Variants in DLGAP2 observed in about 807,000 individuals in gnomAD.
The protein encoded by DLGAP2 is disks large-associated protein 2.
A neutral mutation model predicts 100.3 loss-of-function variants in DLGAP2; 26 were observed. The ratio of observed to expected loss-of-function variants is 0.26; its 90% CI spans 0.19 to 0.36. DLGAP2 has a LOEUF of 0.36. Among genes scored for constraint, DLGAP2 ranks in the 10% least tolerant of loss-of-function variants. DLGAP2 has a pLI of 1.00. For missense variants in DLGAP2, 1,858 were observed against 1,453.2 expected, an observed-to-expected ratio of 1.28 and a Z score of -4.53; for synonymous variants, 886 against 630.1, an observed-to-expected ratio of 1.41 and a Z score of -6.08.
intron 11 of DLGAP2, among the ~76,000 whole-genome samples, chr8:1,677,694 T>A (rs1473546976): frequency 3.3e-5 from 5 of 152,222 alleles, no homozygotes; most frequent in Admixed American, 3.3e-4. Context: ...GTGAAAATGA[T>A]TTTCCAACAC....
chr8:1,652,154 A>G (rs1798181807), intron 8 of DLGAP2, among the ~76,000 whole-genome samples: 1 of 152,226 alleles, frequency 6.6e-6, no homozygotes, highest in Admixed American at 6.5e-5. Context: ...CTAAGGAACT[A>G]TTACATTAGA....
chr8:943,939 C>T (rs540566601), intron 2 of DLGAP2, among the ~76,000 whole-genome samples: 2 of 152,342 alleles, frequency 1.3e-5, no homozygotes, highest in African/African-American at 2.4e-5. Flanking sequence ...TTGAATCTGT[C>T]AGTGTTGAAG....
At chr8:1,433,304 A>T (rs1323162754) in intron 3 of DLGAP2, among the ~76,000 whole-genome samples, 2 of 152,212 alleles carry the variant, frequency 1.3e-5, no homozygotes, top group Non-Finnish European at 2.9e-5. Context: ...CAACCCCTGT[A>T]CTGGTCCAGC....
At chr8:1,314,105 A>G (rs1800673741) in intron 3 of DLGAP2, among the ~76,000 whole-genome samples, 1 of 152,236 alleles carries the variant, frequency 6.6e-6, no homozygotes, top group Non-Finnish European at 1.5e-5. Context: ...TAGATATGTG[A>G]AATATTGGTT....
intron 12 of DLGAP2, among the ~76,000 whole-genome samples, chr8:1,689,122 C>T (rs1197577370): frequency 6.6e-6 from 1 of 152,190 alleles, no homozygotes; most frequent in African/African-American, 2.4e-5. Flanking sequence ...GAAGAACCTA[C>T]ACGAGGATTG....
chr8:1,619,208 G>C (rs1384387840), intron 6 of DLGAP2, among the ~76,000 whole-genome samples: 1 of 152,198 alleles, frequency 6.6e-6, no homozygotes, highest in Non-Finnish European at 1.5e-5. Flanking sequence ...CTTTGCAAAA[G>C]AAGATACACA....
At chr8:941,692 C>G (rs993822348) in intron 2 of DLGAP2, among the ~76,000 whole-genome samples, 2 of 152,170 alleles carry the variant, frequency 1.3e-5, no homozygotes, top group Non-Finnish European at 2.9e-5. Flanking sequence ...TGTGTCCCCT[C>G]TATGTTATTA....
At chr8:1,253,435 C>G (rs533619897) in intron 2 of DLGAP2, among the ~76,000 whole-genome samples, 1 of 152,344 alleles carries the variant, frequency 6.6e-6, no homozygotes, top group East Asian at 1.9e-4. Context: ...AGCATGCGCT[C>G]GGCTTCACAG....
intron 10 of DLGAP2, among the ~76,000 whole-genome samples, chr8:1,673,884 C>T (rs994050056): frequency 3.3e-5 from 5 of 151,342 alleles, no homozygotes; most frequent in Non-Finnish European, 7.4e-5. Context: ...GGAAGGAAAA[C>T]TTCCTTTTAC....
intron 3 of DLGAP2, among the ~76,000 whole-genome samples, chr8:1,346,195 C>T (rs1801551147): frequency 6.6e-6 from 1 of 152,208 alleles, no homozygotes; most frequent in South Asian, 2.1e-4. Flanking sequence ...TACAGAGCTG[C>T]ATTGCACTCA....
At chr8:1,168,436 G>A (rs1474104326) in intron 2 of DLGAP2, among the ~76,000 whole-genome samples, 4 of 150,960 alleles carry the variant, frequency 2.6e-5, no homozygotes, top group Non-Finnish European at 4.4e-5. Flanking sequence ...TCTAGTTCTA[G>A]ATCCCTGAGG....
chr8:1,207,827 G>T (rs990389131), intron 2 of DLGAP2, among the ~76,000 whole-genome samples: 6 of 152,200 alleles, frequency 3.9e-5, no homozygotes, highest in Non-Finnish European at 7.4e-5. Context: ...ATGATGTTGA[G>T]CATTTTTTCC....
chr8:1,469,125 G>A (rs920381222), intron 3 of DLGAP2, among the ~76,000 whole-genome samples: 2 of 152,176 alleles, frequency 1.3e-5, no homozygotes, highest in Admixed American at 6.5e-5. Context: ...TGGGCGCCCC[G>A]TGTCCAGCTG....
intron 3 of DLGAP2, among the ~76,000 whole-genome samples, chr8:1,496,550 C>T (rs944270139): frequency 4.0e-5 from 6 of 151,344 alleles, no homozygotes; most frequent in African/African-American, 1.2e-4. Context: ...GACATTGAGA[C>T]GACTCATCAC....
chr8:899,232 C>T (rs145354693), intron 1 of DLGAP2, among the ~76,000 whole-genome samples: 390 of 152,348 alleles, frequency 2.6e-3, no homozygotes, highest in African/African-American at 8.5e-3. Context: ...CTCAGCTGCC[C>T]TACGAGCTGT....
chr8:1,289,972 T>C (rs1242262525), intron 3 of DLGAP2, among the ~76,000 whole-genome samples: 1 of 152,154 alleles, frequency 6.6e-6, no homozygotes, highest in East Asian at 1.9e-4. Context: ...GGGGATAAGA[T>C]ATAGGCAGAA....
At chr8:1,640,807 G>T (rs1354907008) in intron 8 of DLGAP2, among the ~76,000 whole-genome samples, 2 of 152,228 alleles carry the variant, frequency 1.3e-5, no homozygotes, top group Non-Finnish European at 2.9e-5. Flanking sequence ...TACAGTAAAT[G>T]ACGAAATGCA....
chr8:932,611 A>C (rs965752846), intron 2 of DLGAP2, among the ~76,000 whole-genome samples: 6 of 152,244 alleles, frequency 3.9e-5, no homozygotes, highest in African/African-American at 1.4e-4. Flanking sequence ...TTTAGTAAGC[A>C]CATAATGAAT....
intron 2 of DLGAP2, among the ~76,000 whole-genome samples, chr8:1,048,898 A>G (rs575493335): frequency 6.6e-6 from 1 of 152,308 alleles, no homozygotes; most frequent in South Asian, 2.1e-4. Context: ...AAGTGATTTC[A>G]CAACTATATT....
Sources: allele counts gnomAD v4.1 joint callset (sites outside exome capture counted in the v4.1 genomes callset), GRCh38; gene constraint gnomAD v4.1.1; transcripts MANE v1.5; gene names NCBI Gene and HGNC (gene_info 2026-07-23, HGNC 2026-07-21).